Variants in DNAH12 observed in about 807,000 individuals in gnomAD.
DNAH12 encodes dynein axonemal heavy chain 12, also known as axonemal beta dynein heavy chain 12.
A neutral mutation model predicts 371.5 loss-of-function variants in DNAH12; 285 were observed. The observed-to-expected ratio is 0.77, with a 90% CI of 0.70 to 0.85. The LOEUF is 0.85. Ranked by LOEUF, DNAH12 falls within the 40% of genes least tolerant of loss-of-function variation. The probability of loss-of-function intolerance (pLI) is 0.00; values close to 1 mark genes in which losing one functional copy is unlikely to be tolerated. For synonymous variants in DNAH12, 1,200 were observed against 1,213.0 expected (o/e 0.99, Z 0.22); for missense variants, 3,611 against 3,689.4 (o/e 0.98, Z 0.55).
intron 69 of DNAH12, among the ~76,000 whole-genome samples, chr3:57,306,956 T>C (rs1271364458): frequency 6.6e-6 from 1 of 152,198 alleles, no homozygotes; most frequent in Non-Finnish European, 1.5e-5. Context: ...TACTATTCTT[T>C]GCACCCTTCA....
chr3:57,461,193 G>C (rs2066044040), intron 19 of DNAH12, among the ~76,000 whole-genome samples: 1 of 152,082 alleles, frequency 6.6e-6, no homozygotes, highest in Non-Finnish European at 1.5e-5. Flanking sequence ...GTTTTCTAAA[G>C]TTAGAATAAG....
chr3:57,308,473 T>TTA lies in DNAH12; in HGVS notation c.11189+676_11189+677dup, dbSNP rs796317119. On this transcript the variant is annotated intron_variant, in intron 69 of 73. Transcript: ENST00000495027. The stretch of plus-strand genomic sequence containing the variant: ...CAGAATGCTACAAGGTACAGCCCAT[T>TTA]TAAGCTCCTGTATAGACACTCCTTT... 6.9e-5 allele frequency among the ~76,000 whole-genome samples: 10 copies of TTA among 144,784 alleles called. No homozygotes were observed. The South Asian group carries it at 1.5e-3, about 22-fold the overall frequency. 95.0% of individuals were successfully genotyped at this position (144,784 alleles called of 152,430 possible).
chr3:57,498,134 A>G (rs1256963444), intron 11 of DNAH12: 1 of 192,846 alleles, frequency 5.2e-6, no homozygotes, highest in Non-Finnish European at 1.1e-5. Context: ...TGGGATACCA[A>G]TATACACATG....
At chr3:57,435,699 G>A (rs2065102237) in intron 30 of DNAH12, among the ~76,000 whole-genome samples, 1 of 152,100 alleles carries the variant, frequency 6.6e-6, no homozygotes, top group Non-Finnish European at 1.5e-5. Flanking sequence ...GTGCGCACCT[G>A]TAGTCCCAGC....
At chr3:57,371,664 A>AACAC (rs1480802766) in intron 55 of DNAH12, among the ~76,000 whole-genome samples, 37 of 82,614 alleles carry the variant, frequency 4.5e-4, no homozygotes, top group Admixed American at 3.7e-3. Flanking sequence ...CCCATCTCAA[A>AACAC]ACACGCACAC....
chr3:57,544,408 G>C (rs1014621503), upstream of DNAH12: 8 of 152,238 alleles, frequency 5.3e-5, no homozygotes, highest in Admixed American at 2.0e-4. Context: ...AGCTGGAGGG[G>C]CTGGGTGAAG....
intron 4 of DNAH12, among the ~76,000 whole-genome samples, chr3:57,514,604 G>T (rs904336709): frequency 2.0e-5 from 3 of 151,982 alleles, no homozygotes; most frequent in African/African-American, 7.2e-5. Context: ...AGGGTGGAAG[G>T]GATGGGAGAT....
chr3:57,504,263 C>T, intron 8 of DNAH12, 59 bp from the exon 9 acceptor site: 1 of 1,429,320 alleles, frequency 7.0e-7, no homozygotes. Flanking sequence ...TAACTAAAAT[C>T]AGTAAACTGA....
chr3:57,310,797 G>C lies in DNAH12; in HGVS notation c.10816C>G (p.Pro3606Ala). 3 of 1,551,508 alleles carry C rather than the reference G, an allele frequency of 1.9e-6. No individual in the cohort carries two copies. Among genetic ancestry groups the C allele is most frequent in the Non-Finnish European group, 2.6e-6 (3 of 1,146,944 alleles). ...DFYNLYIVEN[P>A]HYKFSPSGNY... Reference sequence around the variant, plus strand: ...CCACTGGGAGAAAACTTATAATGAGGGTTTTCAACTATGTACAGATTATAA... The same window carrying C: ...CCACTGGGAGAAAACTTATAATGAGCGTTTTCAACTATGTACAGATTATAA... Residue 3606 changes from proline to alanine, a missense_variant, in exon 67 of 74, where the codon CCT (proline) becomes GCT (alanine). Pro to Ala is a conservative substitution (Grantham distance 27, BLOSUM62 -1). Coordinates refer to ENST00000495027, the MANE Select transcript of DNAH12 (RefSeq NM_001366028.2).
intron 2 of DNAH12, among the ~76,000 whole-genome samples, chr3:57,532,224 T>C (rs1159149627): frequency 6.6e-6 from 1 of 152,186 alleles, no homozygotes; most frequent in African/African-American, 2.4e-5. Context: ...GTTTATCTGA[T>C]AAAGTTCGAA....
intron 58 of DNAH12, 117 bp downstream of exon 58, chr3:57,363,477 C>A (rs938278428): frequency 4.6e-5 from 7 of 151,876 alleles, no homozygotes; most frequent in Non-Finnish European, 8.8e-5. Context: ...TTTTCTTTTT[C>A]CTTTCCAGCA....
chr3:57,379,704 A>C (rs2063347126), intron 51 of DNAH12, among the ~76,000 whole-genome samples: 1 of 151,624 alleles, frequency 6.6e-6, no homozygotes, highest in African/African-American at 2.4e-5. Flanking sequence ...AGCTGGGCAT[A>C]GTGGTGGGTG....
intron 25 of DNAH12, among the ~76,000 whole-genome samples, chr3:57,448,119 T>A (rs1266654622): frequency 6.6e-6 from 1 of 152,220 alleles, no homozygotes; most frequent in Non-Finnish European, 1.5e-5. Context: ...TACTAGTGTG[T>A]CTGGAATTGG....
chr3:57,337,550 T>C (rs560761579), intron 60 of DNAH12, among the ~76,000 whole-genome samples: 2 of 152,226 alleles, frequency 1.3e-5, no homozygotes, highest in Non-Finnish European at 2.9e-5. Flanking sequence ...TCCCAGCTAC[T>C]TGGGAGGCTG....
intron 49 of DNAH12, among the ~76,000 whole-genome samples, chr3:57,384,542 G>A (rs1459022282): frequency 2.6e-5 from 4 of 152,054 alleles, no homozygotes; most frequent in African/African-American, 9.7e-5. Context: ...TACTGAGGAG[G>A]CTAAGGTAGG....
chr3:57,401,619 C>T (rs544395513), intron 43 of DNAH12, among the ~76,000 whole-genome samples: 5 of 148,994 alleles, frequency 3.4e-5, no homozygotes, highest in East Asian at 2.0e-4. Flanking sequence ...AATCAACAAC[C>T]TAACTAGACA....
chr3:57,472,346 C>G (rs939910224), intron 14 of DNAH12, among the ~76,000 whole-genome samples, 200 bp downstream of exon 14: 6 of 152,004 alleles, frequency 3.9e-5, no homozygotes, highest in African/African-American at 1.5e-4. Context: ...AAATGTCAGC[C>G]CCACTACTTA....
chr3:57,380,979 A>C (rs1037190857), intron 50 of DNAH12, among the ~76,000 whole-genome samples: 7 of 152,184 alleles, frequency 4.6e-5, no homozygotes, highest in African/African-American at 7.2e-5. Flanking sequence ...TAAGAAAATA[A>C]ATTTTTATTA....
chr3:57,380,056 A>G (rs2063357198), intron 51 of DNAH12, among the ~76,000 whole-genome samples: 1 of 151,990 alleles, frequency 6.6e-6, no homozygotes, highest in Non-Finnish European at 1.5e-5. Context: ...TTATACACTA[A>G]AAGAGTATCT....
Sources: allele counts gnomAD v4.1 joint callset (sites outside exome capture counted in the v4.1 genomes callset), GRCh38; gene constraint gnomAD v4.1.1; transcripts MANE v1.5; gene names NCBI Gene and HGNC (gene_info 2026-07-23, HGNC 2026-07-21).